PZP: variants seen among roughly 807,000 people sequenced by gnomAD.
PZP encodes pregnancy zone protein.
Under a neutral mutation model 179.8 loss-of-function variants are expected in PZP, and 150 were observed. The observed-to-expected ratio is 0.83, with a 90% CI of 0.73 to 0.96. The LOEUF (loss-of-function observed/expected upper bound fraction) is 0.96, where lower values mean the gene tolerates loss of function less well. Ranked by LOEUF, PZP falls within the 40% of genes least tolerant of loss-of-function variation. PZP has a pLI of 0.00. For synonymous variants in PZP, 624 were observed against 652.3 expected, an observed-to-expected ratio of 0.96 and a Z score of 0.66; for missense variants, 1,689 against 1,764.0, an observed-to-expected ratio of 0.96 and a Z score of 0.76.
In PZP at chr12:9,192,262, A is replaced by G. The variant is rs776138134; in HGVS notation, c.1483-6T>C. 1.9e-6 allele frequency: 3 copies of G among 1,613,662 alleles called. No homozygotes were observed. The highest frequency in any genetic ancestry group is 1.6e-4 in the Middle Eastern group (1 of 6,082). ...ATGACTCCCTTAGCCATGATCTGAA[A>G]TGAAAAAACAGTGAAGGAAATTTCT... On this transcript the variant is annotated splice_polypyrimidine_tract_variant and splice_region_variant and intron_variant, in intron 12 of 35. Transcript: ENST00000261336.
downstream of PZP, among the ~76,000 whole-genome samples, chr12:9,147,138 C>T (rs1038364283): frequency 6.6e-6 from 1 of 152,140 alleles, no homozygotes; most frequent in East Asian, 1.9e-4. Flanking sequence ...ACACATGGAT[C>T]AACTCTTTCT....
At chr12:9,192,820 C>T (rs188404559) in intron 11 of PZP, 81 bp from the exon 12 acceptor site, 69 of 931,138 alleles carry the variant, frequency 7.4e-5, no homozygotes, top group Admixed American at 4.5e-4. Flanking sequence ...ATAGTTACAA[C>T]GGTGTCTTCC....
chr12:9,143,042 C>T, the PZP span, among the ~76,000 whole-genome samples: 1 of 152,166 alleles, frequency 6.6e-6, no homozygotes, highest in Non-Finnish European at 1.5e-5. Flanking sequence ...AACATAAAGG[C>T]CTTTGAATAT....
At chr12:9,201,485 A>T (rs766574849) in intron 4 of PZP, 138 bp from the exon 5 acceptor site, 4 of 623,856 alleles carry the variant, frequency 6.4e-6, no homozygotes, top group Non-Finnish European at 8.4e-6. Flanking sequence ...GAACTGGAAA[A>T]ATCTCAGGGA....
At chr12:9,147,621 G>T (rs7971847), downstream of PZP, among the ~76,000 whole-genome samples, 1 of 151,948 alleles carries the variant, frequency 6.6e-6, no homozygotes, top group African/African-American at 2.4e-5. Flanking sequence ...TGTGGGACAG[G>T]GGGGAAGCCT....
chr12:9,173,797 A>T (rs1168243610), intron 15 of PZP, among the ~76,000 whole-genome samples: 3 of 152,228 alleles, frequency 2.0e-5, no homozygotes, highest in Non-Finnish European at 4.4e-5. Context: ...GAATATTTGA[A>T]TAGACCAATA....
intron 34 of PZP, 125 bp downstream of exon 34, chr12:9,150,519 G>T: frequency 3.1e-6 from 2 of 645,892 alleles, no homozygotes; most frequent in Non-Finnish European, 5.3e-6. Context: ...TTTTTATAGT[G>T]TACATCTTGG....
rs1355966071 is a variant in PZP, at chr12:9,157,241, G to A, written c.3484C>T (p.Leu1162=). The change falls in exon 28 of 36, where the codon CTA becomes TTA. Residue 1162 remains leucine, a synonymous_variant. Transcript: ENST00000261336. ...CTATTCTGATTTTGCTTTCCCAGTAGGGAAAAAGCATAGGCCAGCAATGCC... is the reference window on the plus strand; with the variant it reads ...CTATTCTGATTTTGCTTTCCCAGTAAGGAAAAAGCATAGGCCAGCAATGCC... ...TKALLAYAFS[L]LGKQNQNREI... 12 of 1,613,998 alleles carry A rather than the reference G, an allele frequency of 7.4e-6. No individual in the cohort carries two copies. Among genetic ancestry groups the A allele is most frequent in the Non-Finnish European group, 1.0e-5 (12 of 1,180,016 alleles).
chr12:9,181,124 C>T lies in PZP; in HGVS notation c.1698G>A (p.Leu566=), dbSNP rs1942734874. Residue 566 remains leucine (L), a synonymous_variant, in exon 15 of 36, where the codon TTG becomes TTA. Coordinates refer to ENST00000261336, the MANE Select transcript of PZP (RefSeq NM_002864.3). ...GGGGACTTTGTGCTGGGCTGAAGCT[C>T]AAATCCACCTGTGGGAAATGAAGGA... ...IENCLANKVD[L]SFSPAQSPPA... is the part of the protein sequence containing the mutation. 6.2e-7 allele frequency: 1 copy of T among 1,613,964 alleles called. No individual in the cohort carries two copies. Among genetic ancestry groups the T allele is most frequent in the Admixed American group, 1.7e-5 (1 of 59,968 alleles).
At chr12:9,207,431 G>A (rs1312137627) in intron 1 of PZP, among the ~76,000 whole-genome samples, 3 of 152,206 alleles carry the variant, frequency 2.0e-5, no homozygotes, top group Non-Finnish European at 2.9e-5. Flanking sequence ...CTGCAAAGGG[G>A]CAAGGTGACC....
downstream of PZP, among the ~76,000 whole-genome samples, chr12:9,147,568 C>T (rs2120456568): frequency 6.6e-6 from 1 of 152,270 alleles, no homozygotes; most frequent in African/African-American, 2.4e-5. Flanking sequence ...GAATTTCTCA[C>T]AAAGGGAATT....
intron 30 of PZP, 82 bp from the exon 31 acceptor site, chr12:9,153,033 C>T: frequency 6.2e-7 from 1 of 1,604,580 alleles, no homozygotes; most frequent in Non-Finnish European, 8.5e-7. Context: ...TCCAGAGGTG[C>T]CTTTTACTTT....
At chr12:9,196,010 G>C (rs1943752477) in intron 10 of PZP, among the ~76,000 whole-genome samples, 2 of 152,026 alleles carry the variant, frequency 1.3e-5, no homozygotes, top group South Asian at 4.1e-4. Context: ...AAATTCTGAT[G>C]CTGCCCAGGT....
intron 24 of PZP, 122 bp downstream of exon 24, chr12:9,160,192 T>C (rs1941073738): frequency 1.8e-6 from 2 of 1,102,774 alleles, no homozygotes; most frequent in Non-Finnish European, 2.6e-6. Flanking sequence ...TATTAGAGTG[T>C]GGGAAGATTG....
At chr12:9,202,441 C>T in intron 3 of PZP, 70 bp from the exon 4 acceptor site, 2 of 1,612,458 alleles carry the variant, frequency 1.2e-6, no homozygotes, top group Non-Finnish European at 1.7e-6. Flanking sequence ...AGACAGGAGG[C>T]TACGGGGCTA....
At chr12:9,169,631 C>T (rs751723508) in intron 15 of PZP, 40 bp from the exon 16 acceptor site, 4 of 1,514,242 alleles carry the variant, frequency 2.6e-6, no homozygotes, top group Non-Finnish European at 3.5e-6. Flanking sequence ...CTGTTACTTA[C>T]TTTTCTTTTG....
intron 13 of PZP, among the ~76,000 whole-genome samples, chr12:9,188,599 G>T (rs1447943277): frequency 6.6e-6 from 1 of 152,178 alleles, no homozygotes; most frequent in Non-Finnish European, 1.5e-5. Flanking sequence ...GTTTGCAGAC[G>T]ACATGATTTT....
chr12:9,196,202 C>T, intron 10 of PZP, 128 bp downstream of exon 10: 3 of 563,202 alleles, frequency 5.3e-6, no homozygotes, highest in African/African-American at 1.9e-5. Context: ...AGTATTTCTC[C>T]TTGGTTTCAT....
chr12:9,202,190 G>A, intron 4 of PZP, 129 bp downstream of exon 4: 1 of 810,418 alleles, frequency 1.2e-6, no homozygotes, highest in Non-Finnish European at 2.0e-6. Flanking sequence ...GCAAATCTGT[G>A]CTGAGGCTGG....
Sources: gnomAD v4.1 joint callset for allele counts (sites outside exome capture counted in the v4.1 genomes callset) on GRCh38, gnomAD v4.1.1 for gene constraint, MANE v1.5 for transcripts, NCBI Gene and HGNC (gene_info 2026-07-23, HGNC 2026-07-21) for gene names.